ANKS1B: variants seen among roughly 807,000 people sequenced by gnomAD.
The protein encoded by ANKS1B is ankyrin repeat and sterile alpha motif domain-containing protein 1B.
ANKS1B carries 36 observed loss-of-function variants against 148.3 expected under a neutral mutation model. The observed-to-expected ratio is 0.24, with a 90% confidence interval of 0.19 to 0.32. ANKS1B has a LOEUF of 0.32. Ranked by LOEUF, ANKS1B falls within the 10% of genes least tolerant of loss-of-function variation. ANKS1B has a pLI of 1.00. For missense variants in ANKS1B, 1,157 were observed against 1,542.6 expected, an observed-to-expected ratio of 0.75 and a Z score of 4.19; for synonymous variants, 542 against 560.8, an observed-to-expected ratio of 0.97 and a Z score of 0.47.
At chr12:98,982,459 C>A (rs920807335) in intron 17 of ANKS1B, among the ~76,000 whole-genome samples, 3 of 152,176 alleles carry the variant, frequency 2.0e-5, no homozygotes, top group African/African-American at 4.8e-5. Flanking sequence ...CTTCTGGGTA[C>A]CCCCTCCTGA....
intron 1 of ANKS1B, among the ~76,000 whole-genome samples, chr12:99,850,774 G>A (rs1315104629): frequency 6.6e-6 from 1 of 151,976 alleles, no homozygotes; most frequent in East Asian, 1.9e-4. Flanking sequence ...TTTTGCTTTT[G>A]ACAAAGACAT....
At chr12:99,963,145 C>T (rs4764640) in intron 1 of ANKS1B, among the ~76,000 whole-genome samples, 3,636 of 152,250 alleles carry the variant, frequency 0.024, 62 homozygotes, top group South Asian at 0.047. Flanking sequence ...GTGTTGGCCA[C>T]GTAAATGTCT....
At chr12:99,560,014 A>G (rs2153193958) in intron 9 of ANKS1B, among the ~76,000 whole-genome samples, 1 of 152,314 alleles carries the variant, frequency 6.6e-6, no homozygotes, top group Admixed American at 6.5e-5. Flanking sequence ...GAAAATGAAG[A>G]ATTTTACGTG....
chr12:99,307,941 C>A (rs1374315314), intron 12 of ANKS1B, among the ~76,000 whole-genome samples: 3 of 151,976 alleles, frequency 2.0e-5, no homozygotes, highest in African/African-American at 7.2e-5. Context: ...GTTCAGTAGT[C>A]TTTTCTATGG....
downstream of ANKS1B, among the ~76,000 whole-genome samples, chr12:98,741,858 C>T (rs1314639450): frequency 6.6e-6 from 1 of 152,174 alleles, no homozygotes; most frequent in Non-Finnish European, 1.5e-5. Flanking sequence ...TTTGACTTCC[C>T]ACGTGTCTTA....
intron 8 of ANKS1B, among the ~76,000 whole-genome samples, chr12:99,660,787 C>A (rs1334722507): frequency 6.6e-6 from 1 of 152,014 alleles, no homozygotes; most frequent in South Asian, 2.1e-4. Context: ...TTTTCATGTT[C>A]TTCTGATAAA....
chr12:99,222,897 T>A (rs1326607678), intron 14 of ANKS1B, among the ~76,000 whole-genome samples: 2 of 152,220 alleles, frequency 1.3e-5, no homozygotes, highest in African/African-American at 2.4e-5. Context: ...AATTCTTTTT[T>A]AAATTAATAA....
chr12:99,275,266 T>C (rs1251747370), intron 12 of ANKS1B, among the ~76,000 whole-genome samples: 1 of 152,236 alleles, frequency 6.6e-6, no homozygotes. Context: ...ATCGTCACCC[T>C]GTTGTGCTAT....
intron 10 of ANKS1B, among the ~76,000 whole-genome samples, chr12:99,446,475 T>A (rs2152805576): frequency 6.6e-6 from 1 of 152,196 alleles, no homozygotes; most frequent in African/African-American, 2.4e-5. Context: ...ATACCCAAAT[T>A]AACTTACAAA....
intron 12 of ANKS1B, among the ~76,000 whole-genome samples, chr12:99,287,171 A>AC (rs1041873061): frequency 6.6e-6 from 1 of 152,026 alleles, no homozygotes; most frequent in Non-Finnish European, 1.5e-5. Context: ...TGCTTGTGTC[A>AC]CCCCCTCTGA....
At chr12:99,088,726 C>T (rs1391179472) in intron 15 of ANKS1B, among the ~76,000 whole-genome samples, 1 of 151,380 alleles carries the variant, frequency 6.6e-6, no homozygotes, top group Admixed American at 6.6e-5. Flanking sequence ...ACCTGGGTGA[C>T]AGTTGTGCCA....
intron 17 of ANKS1B, among the ~76,000 whole-genome samples, chr12:98,885,708 T>C (rs963214192): frequency 6.6e-6 from 1 of 152,194 alleles, no homozygotes; most frequent in Admixed American, 6.5e-5. Flanking sequence ...TAAAGGCTGA[T>C]AATGGAGACA....
At chr12:99,331,692 A>G (rs1467711328) in intron 12 of ANKS1B, among the ~76,000 whole-genome samples, 1 of 152,038 alleles carries the variant, frequency 6.6e-6, no homozygotes, top group Non-Finnish European at 1.5e-5. Context: ...TTGGGTTAAA[A>G]TGAAGGCAAA....
intron 17 of ANKS1B, among the ~76,000 whole-genome samples, chr12:99,050,848 C>T (rs1481339119): frequency 6.6e-6 from 1 of 150,932 alleles, no homozygotes; most frequent in Non-Finnish European, 1.5e-5. Flanking sequence ...CCCGCCACCA[C>T]GCCCGGCTAA....
intron 4 of ANKS1B, among the ~76,000 whole-genome samples, chr12:99,785,258 C>CGTGT (rs34228059): frequency 0.11 from 14,964 of 137,344 alleles, 881 homozygotes; most frequent in South Asian, 0.17. Context: ...ATCAGTAGGT[C>CGTGT]GTGTGTGTGT....
chr12:98,762,809 C>T lies in ANKS1B; in HGVS notation c.3579+10233G>A, dbSNP rs567320004. ...GATTTTCTCCTTATAGGGCTGATTC[C>T]CCCAGTTGACTGAGCTCCTTGAGGG... is the stretch of plus-strand genomic sequence containing the variant. On this transcript the variant is annotated intron_variant, in intron 25 of 26. Transcript: ENST00000683438. Among the ~76,000 whole-genome samples, 3 of 152,310 alleles carry T rather than the reference C, an allele frequency of 2.0e-5. No homozygotes were observed. In the East Asian group the frequency reaches 5.8e-4, roughly 29 times the overall value.
intron 9 of ANKS1B, among the ~76,000 whole-genome samples, chr12:99,530,632 T>A (rs1467629478): frequency 1.3e-5 from 2 of 152,166 alleles, no homozygotes; most frequent in Non-Finnish European, 2.9e-5. Context: ...TTATGCAAAT[T>A]TTAAAATAAT....
intron 14 of ANKS1B, among the ~76,000 whole-genome samples, chr12:99,244,116 G>A (rs1296584311): frequency 2.6e-5 from 4 of 151,586 alleles, no homozygotes; most frequent in Non-Finnish European, 5.9e-5. Context: ...AAACTTCACT[G>A]GCATAGTAAA....
chr12:99,174,965 C>T (rs1462960315), intron 14 of ANKS1B, among the ~76,000 whole-genome samples: 1 of 152,212 alleles, frequency 6.6e-6, no homozygotes, highest in African/African-American at 2.4e-5. Flanking sequence ...AACTGATGCT[C>T]AATGAAGGAA....
Sources: allele counts gnomAD v4.1 joint callset (sites outside exome capture counted in the v4.1 genomes callset), GRCh38; gene constraint gnomAD v4.1.1; transcripts MANE v1.5; gene names NCBI Gene and HGNC (gene_info 2026-07-23, HGNC 2026-07-21).